The following ERBB4 variants were observed in gnomAD, a reference collection of about 807,000 sequenced individuals.
The protein encoded by ERBB4 is receptor tyrosine-protein kinase erbB-4.
In ERBB4, 42 loss-of-function variants were observed where a neutral mutation model predicts 158.0. The ratio of observed to expected loss-of-function variants is 0.27; its 90% CI spans 0.21 to 0.34. ERBB4 has a LOEUF of 0.34. ERBB4 is among the 10% of genes least tolerant of loss of function. ERBB4 has a pLI of 1.00. For synonymous variants in ERBB4, 583 were observed against 558.7 expected (o/e 1.04, Z -0.61); for missense variants, 1,333 against 1,624.1 (o/e 0.82, Z 3.08).
intron 5 of ERBB4, among the ~76,000 whole-genome samples, chr2:211,731,648 A>C (rs2074430306): frequency 6.6e-6 from 1 of 152,110 alleles, no homozygotes; most frequent in African/African-American, 2.4e-5. Flanking sequence ...TCTAGCTCTA[A>C]GATTCAAAAT....
intron 1 of ERBB4, among the ~76,000 whole-genome samples, chr2:212,145,014 T>C (rs1343855758): frequency 6.6e-6 from 1 of 152,228 alleles, no homozygotes; most frequent in African/African-American, 2.4e-5. Flanking sequence ...GCTTTATGTG[T>C]AATTGAATGT....
chr2:211,791,258 T>A (rs544316996), intron 3 of ERBB4, among the ~76,000 whole-genome samples: 45 of 152,060 alleles, frequency 3.0e-4, no homozygotes, highest in African/African-American at 1.1e-3. Context: ...AAAGTTTGTT[T>A]AGATGTTTAT....
intron 25 of ERBB4, among the ~76,000 whole-genome samples, 155 bp from the exon 26 acceptor site, chr2:211,388,147 T>C (rs941040746): frequency 2.0e-5 from 3 of 152,334 alleles, no homozygotes; most frequent in East Asian, 1.9e-4. Context: ...CACAATTGTA[T>C]GCATTCTGAC....
At chr2:212,185,704 A>C (rs2081996949) in intron 1 of ERBB4, among the ~76,000 whole-genome samples, 1 of 152,044 alleles carries the variant, frequency 6.6e-6, no homozygotes, top group Non-Finnish European at 1.5e-5. Context: ...GTAATGATGG[A>C]ATTTGGGAGA....
intron 1 of ERBB4, among the ~76,000 whole-genome samples, chr2:212,538,224 G>A (rs939063135): frequency 7.0e-6 from 1 of 143,500 alleles, no homozygotes; most frequent in African/African-American, 2.7e-5. Context: ...GGGTTAAGGA[G>A]AGAAAAGAGG....
intron 14 of ERBB4, 38 bp downstream of exon 14, chr2:211,673,126 T>A: frequency 7.2e-7 from 1 of 1,391,474 alleles, no homozygotes; most frequent in Non-Finnish European, 1.0e-6. Context: ...TACATGATAC[T>A]AAATAAGCCA....
chr2:211,953,465 C>CAAAAAAAAAAAA (rs36024345), intron 2 of ERBB4, among the ~76,000 whole-genome samples: 4 of 85,552 alleles, frequency 4.7e-5, no homozygotes, highest in Admixed American at 1.2e-4. Context: ...GGTTTTTCTC[C>CAAAAAAAAAAAA]AAAAAAAAAA....
intron 1 of ERBB4, among the ~76,000 whole-genome samples, chr2:212,163,265 C>T (rs1016054748): frequency 6.6e-5 from 10 of 151,888 alleles, no homozygotes; most frequent in Non-Finnish European, 1.5e-4. Flanking sequence ...CTTAGGTTTC[C>T]CATCACCCAA....
chr2:211,657,067 A>G (rs765193317), intron 16 of ERBB4, among the ~76,000 whole-genome samples: 49 of 152,202 alleles, frequency 3.2e-4, no homozygotes, highest in Non-Finnish European at 5.6e-4. Context: ...AAAATAATAT[A>G]AAATCAGAAA....
chr2:211,614,326 A>G (rs1272436653), intron 19 of ERBB4, among the ~76,000 whole-genome samples: 2 of 151,910 alleles, frequency 1.3e-5, no homozygotes, highest in African/African-American at 4.8e-5. Context: ...TAAAAATATA[A>G]AGAATGAATA....
At chr2:211,774,521 A>G (rs958082209) in intron 4 of ERBB4, among the ~76,000 whole-genome samples, 2 of 152,106 alleles carry the variant, frequency 1.3e-5, no homozygotes, top group Non-Finnish European at 2.9e-5. Context: ...TTCACTGGTT[A>G]AAAGTAAAGC....
chr2:211,590,057 T>C (rs1559327872), intron 19 of ERBB4, among the ~76,000 whole-genome samples: 1 of 152,170 alleles, frequency 6.6e-6, no homozygotes, highest in Non-Finnish European at 1.5e-5. Flanking sequence ...AAAAATAGGA[T>C]GAACATATTA....
Position 211,679,442 on chromosome 2 carries a change from T to A in ERBB4, c.1490-258A>T, listed in dbSNP as rs79007203. On this transcript the variant is annotated intron_variant, in intron 12 of 27. Transcript: ENST00000342788. ...AGTGAATTGCCTATATAAAAACTAT[T>A]GGGAGGACAGGTGATATAAATTATC... Among the ~76,000 whole-genome samples the A allele has an allele frequency of 8.2e-3, 1,253 of 152,246 alleles. 9 individuals are homozygous for A. Among genetic ancestry groups the A allele is most frequent in the Non-Finnish European group, 0.012 (824 of 68,006 alleles).
chr2:211,607,888 T>TTAA (rs35895749), intron 19 of ERBB4, among the ~76,000 whole-genome samples: 1 of 118,862 alleles, frequency 8.4e-6, no homozygotes, highest in Non-Finnish European at 1.8e-5. Context: ...TTTTTTTTTT[T>TTAA]AGACAGGGTC....
intron 20 of ERBB4, among the ~76,000 whole-genome samples, chr2:211,512,447 C>CAAAAAA (rs35256083): frequency 6.8e-6 from 1 of 147,164 alleles, no homozygotes; most frequent in Non-Finnish European, 1.5e-5. Context: ...ACCAAAATCT[C>CAAAAAA]AAAAAAAAAA....
intron 1 of ERBB4, among the ~76,000 whole-genome samples, chr2:212,484,490 G>T (rs1397762108): frequency 6.6e-6 from 1 of 152,152 alleles, no homozygotes. Context: ...TGCATCTTTT[G>T]TTGCTATCTT....
chr2:212,401,067 G>T (rs1033257561), intron 1 of ERBB4, among the ~76,000 whole-genome samples: 2 of 152,126 alleles, frequency 1.3e-5, no homozygotes, highest in Non-Finnish European at 2.9e-5. Context: ...ATAAAAGAGT[G>T]TTCATACGGT....
intron 1 of ERBB4, among the ~76,000 whole-genome samples, chr2:212,306,658 G>A (rs960745641): frequency 6.6e-6 from 1 of 151,036 alleles, no homozygotes; most frequent in Non-Finnish European, 1.5e-5. Context: ...ATGCCTGCCT[G>A]GTAAAAGCAG....
At chr2:212,059,523 T>C (rs2077692197) in intron 2 of ERBB4, among the ~76,000 whole-genome samples, 2 of 152,168 alleles carry the variant, frequency 1.3e-5, no homozygotes, top group Admixed American at 6.5e-5. Context: ...GGAGGCATCA[T>C]GCTACCTGAT....
Sources: allele counts gnomAD v4.1 joint callset (sites outside exome capture counted in the v4.1 genomes callset), GRCh38; gene constraint gnomAD v4.1.1; transcripts MANE v1.5; gene names NCBI Gene and HGNC (gene_info 2026-07-23, HGNC 2026-07-21).